The following RHBDD1 variants were observed in gnomAD, a reference collection of about 807,000 sequenced individuals.
RHBDD1 encodes rhomboid-related protein 4.
A neutral mutation model predicts 36.3 loss-of-function variants in RHBDD1; 38 were observed. The ratio of observed to expected loss-of-function variants is 1.05; its 90% confidence interval spans 0.81 to 1.37. RHBDD1 has a LOEUF of 1.37. RHBDD1 is among the 40% of genes most tolerant of loss of function. The pLI is 0.00. For synonymous variants in RHBDD1, 151 were observed against 136.5 expected (o/e 1.11, Z -0.74); for missense variants, 393 against 377.6 (o/e 1.04, Z -0.34).
At chr2:226,829,760 T>C in the RHBDD1 span, among the ~76,000 whole-genome samples, 17 of 152,300 alleles carry the variant, frequency 1.1e-4, no homozygotes, top group South Asian at 1.0e-3. Flanking sequence ...TGTATGTATG[T>C]GTGTATTTTC....
At chr2:226,812,895 G>A in the RHBDD1 span, among the ~76,000 whole-genome samples, 1 of 152,104 alleles carries the variant, frequency 6.6e-6, no homozygotes, top group African/African-American at 2.4e-5. Flanking sequence ...CACTTGCTTA[G>A]GAATTTCTAG....
intron 8 of RHBDD1, among the ~76,000 whole-genome samples, chr2:226,927,109 A>G (rs1359434790): frequency 6.6e-6 from 1 of 151,986 alleles, no homozygotes. Flanking sequence ...TAGTCAACCT[A>G]CTCTGACCCT....
At chr2:226,936,358 T>G (rs1950330804) in intron 8 of RHBDD1, among the ~76,000 whole-genome samples, 1 of 152,148 alleles carries the variant, frequency 6.6e-6, no homozygotes. Context: ...CTTTTTCAAA[T>G]CTATGAAATT....
intron 8 of RHBDD1, among the ~76,000 whole-genome samples, chr2:226,993,295 C>T (rs950639214): frequency 2.0e-5 from 3 of 152,212 alleles, no homozygotes; most frequent in African/African-American, 7.2e-5. Context: ...GGTTTCTGCC[C>T]TGTGGCCTGG....
At chr2:226,848,167 C>T (rs558765988) in intron 3 of RHBDD1, among the ~76,000 whole-genome samples, 3 of 151,956 alleles carry the variant, frequency 2.0e-5, no homozygotes, top group South Asian at 2.1e-4. Flanking sequence ...AAAAGAAGTT[C>T]GGTATTTGCA....
chr2:226,865,529 CTCA>C (rs1944252610), intron 4 of RHBDD1, among the ~76,000 whole-genome samples: 1 of 152,152 alleles, frequency 6.6e-6, no homozygotes, highest in Non-Finnish European at 1.5e-5. Context: ...ACAGAGCACA[CTCA>C]TCTGCAACAA....
intron 3 of RHBDD1, among the ~76,000 whole-genome samples, chr2:226,840,315 G>A (rs1023758550): frequency 3.9e-5 from 6 of 152,164 alleles, no homozygotes; most frequent in Non-Finnish European, 8.8e-5. Context: ...TGGGATCTAC[G>A]TGATGGCCAA....
chr2:226,935,470 T>C (rs1434756736), intron 8 of RHBDD1: 1 of 152,120 alleles, frequency 6.6e-6, no homozygotes, highest in African/African-American at 2.4e-5. Flanking sequence ...TGGCAATTTT[T>C]GTAAAGAATT....
At chr2:226,849,570 C>T (rs1041294992) in intron 3 of RHBDD1, among the ~76,000 whole-genome samples, 1 of 152,246 alleles carries the variant, frequency 6.6e-6, no homozygotes, top group Non-Finnish European at 1.5e-5. Context: ...AGGCTTCTAG[C>T]CTCCAGACCC....
At chr2:226,816,416 A>G in the RHBDD1 span, among the ~76,000 whole-genome samples, 7 of 151,332 alleles carry the variant, frequency 4.6e-5, no homozygotes, top group Middle Eastern at 3.4e-3. Context: ...CAAGTTGTGC[A>G]ATAAATTATC....
At position 226,908,605 on chromosome 2, in the gene RHBDD1, A is replaced by ACC. The variant is rs201648418; in HGVS notation, c.656-216_656-215insCC. 3,029 of 545,616 alleles carry ACC rather than the reference A, an allele frequency of 5.6e-3. 63 individuals are homozygous for ACC. In the African/African-American group the frequency reaches 0.057, roughly 10 times the overall value. 33.8% of individuals were successfully genotyped at this position (545,616 alleles called of 1,614,324 possible). A position where few individuals can be genotyped will look rare whatever the true frequency, so the allele number is the denominator to read the frequency against. On this transcript the variant is annotated intron_variant, in intron 6 of 8. Transcript: ENST00000392062. ...ACTACACACACACACACACACACAC[A>ACC]CACACACACACACACATTCTTTTCC...
intron 3 of RHBDD1, among the ~76,000 whole-genome samples, chr2:226,857,733 C>T (rs1943468996): frequency 6.6e-6 from 1 of 152,110 alleles, no homozygotes; most frequent in Non-Finnish European, 1.5e-5. Context: ...TGGGCAAATT[C>T]ATGGGGACAG....
chr2:226,908,862 C>T lies in RHBDD1; in HGVS notation c.696C>T (p.Tyr232=), dbSNP rs1315757093. ...SSSVGYPGRQ[Y]YFNSSGSSGY... ...GTGTTGGTTACCCAGGACGGCAATA[C>T]TACTTTAATAGTTCAGGTAGGCACT... is the stretch of plus-strand genomic sequence containing the variant. Residue 232 remains tyrosine, a synonymous_variant, in exon 7 of 9, where the codon TAC becomes TAT. Coordinates refer to ENST00000392062, the MANE Select transcript of RHBDD1 (RefSeq NM_001167608.3). 1 of 1,601,884 alleles carries T rather than the reference C, an allele frequency of 6.2e-7. No homozygotes were observed. Among genetic ancestry groups the T allele is most frequent in the Admixed American group, 1.7e-5 (1 of 59,992 alleles).
At chr2:226,887,784 A>G (rs10190044) in intron 5 of RHBDD1, among the ~76,000 whole-genome samples, 28,457 of 152,206 alleles carry the variant, frequency 0.19, 4,360 homozygotes, top group African/African-American at 0.42. Context: ...ATAAACTTGC[A>G]ATGCTCTTTT....
chr2:226,819,703 T>G, the RHBDD1 span, among the ~76,000 whole-genome samples: 1 of 152,260 alleles, frequency 6.6e-6, no homozygotes, highest in Non-Finnish European at 1.5e-5. Context: ...CCCAAGAATA[T>G]TCAATGGTCA....
chr2:226,917,091 A>G (rs1285939886), intron 8 of RHBDD1, among the ~76,000 whole-genome samples: 1 of 152,092 alleles, frequency 6.6e-6, no homozygotes, highest in South Asian at 2.1e-4. Context: ...TTAATGAAGA[A>G]TATATTTATT....
At chr2:226,844,054 T>C (rs1468647545) in intron 3 of RHBDD1, among the ~76,000 whole-genome samples, 3 of 152,176 alleles carry the variant, frequency 2.0e-5, no homozygotes, top group Non-Finnish European at 4.4e-5. Context: ...TTTTCTGGTT[T>C]ATGTGCATAA....
At chr2:226,967,513 T>C (rs1952734667) in intron 8 of RHBDD1, among the ~76,000 whole-genome samples, 1 of 151,058 alleles carries the variant, frequency 6.6e-6, no homozygotes, top group Non-Finnish European at 1.5e-5. Flanking sequence ...TAGGTATATC[T>C]CCTAATGCTA....
At position 226,995,838 on chromosome 2, in the gene RHBDD1, G is replaced by A. The variant is rs762086366; in HGVS notation, c.*316G>A. On this transcript the variant is annotated 3_prime_UTR_variant, in exon 9 of 9. Coordinates refer to ENST00000392062, the MANE Select transcript of RHBDD1 (RefSeq NM_001167608.3). The stretch of plus-strand genomic sequence containing the variant: ...GCCTCGGTCTGCTTTTGAAGACTGT[G>A]ACCTTCACCAGGAGGTTTTACTTAC... 2.2e-5 allele frequency: 7 copies of A among 314,934 alleles called. No homozygotes were observed. The highest frequency in any genetic ancestry group is 4.3e-5 in the African/African-American group (2 of 46,400). 19.5% of individuals were successfully genotyped at this position (314,934 alleles called of 1,614,324 possible).
Sources: gnomAD v4.1 joint callset for allele counts (sites outside exome capture counted in the v4.1 genomes callset) on GRCh38, gnomAD v4.1.1 for gene constraint, MANE v1.5 for transcripts, NCBI Gene and HGNC (gene_info 2026-07-23, HGNC 2026-07-21) for gene names.